Variants in EFR3B observed in about 807,000 individuals in gnomAD.
EFR3B encodes the protein protein EFR3 homolog B.
In EFR3B, 64 loss-of-function variants were observed where a neutral mutation model predicts 104.7. The observed-to-expected ratio is 0.61, with a 90% CI of 0.50 to 0.75. The LOEUF is 0.75. Among genes scored for constraint, EFR3B ranks in the 30% least tolerant of loss-of-function variants. The probability of loss-of-function intolerance (pLI) is 0.00; values close to 1 mark genes in which losing one functional copy is unlikely to be tolerated. For missense variants in EFR3B, 750 were observed against 1,078.5 expected, an observed-to-expected ratio of 0.70 and a Z score of 4.27; for synonymous variants, 385 against 417.9, an observed-to-expected ratio of 0.92 and a Z score of 0.96.
chr2:25,124,329 TGTGA>T (rs1423448910), intron 5 of EFR3B, among the ~76,000 whole-genome samples: 2 of 126,848 alleles, frequency 1.6e-5, no homozygotes, highest in African/African-American at 3.1e-5. Context: ...TGTGTGTGTG[TGTGA>T]TTCCTCAGGG....
intron 1 of EFR3B, among the ~76,000 whole-genome samples, chr2:25,072,861 G>A (rs1866441): frequency 1 from 152,121 of 152,314 alleles, 75,965 homozygotes; most frequent in Middle Eastern, 1. Flanking sequence ...CTGCTCCTGA[G>A]GAGACCATTG....
chr2:25,095,051 A>G (rs1330549018), intron 3 of EFR3B, among the ~76,000 whole-genome samples: 1 of 152,130 alleles, frequency 6.6e-6, no homozygotes, highest in Non-Finnish European at 1.5e-5. Context: ...TCAGCCTGCC[A>G]AAGTGTTGGG....
intron 1 of EFR3B, among the ~76,000 whole-genome samples, chr2:25,053,803 AG>A (rs1667947519): frequency 6.6e-6 from 1 of 152,168 alleles, no homozygotes; most frequent in Non-Finnish European, 1.5e-5. Context: ...GCTACTCAGG[AG>A]GCTGAGGCAG....
chr2:25,080,009 A>G (rs575070583), intron 1 of EFR3B: 1 of 947,566 alleles, frequency 1.1e-6, no homozygotes, highest in South Asian at 1.3e-5. Flanking sequence ...CGTCACAAGC[A>G]AGAATTTTAA....
chr2:25,136,689 A>C lies in EFR3B; in HGVS notation c.1560+91A>C. The C allele has an allele frequency of 8.9e-7, 1 of 1,118,076 alleles. No individual in the cohort carries two copies. Among genetic ancestry groups the C allele is most frequent in the Non-Finnish European group, 1.3e-6 (1 of 764,918 alleles). The allele number at this position is 1,118,076 out of a possible 1,614,324, so 69.3% of individuals were successfully genotyped here. A position where few individuals can be genotyped will look rare whatever the true frequency, so the allele number is the denominator to read the frequency against. On this transcript the variant is annotated intron_variant, in intron 14 of 22. Coordinates refer to ENST00000403714, the MANE Select transcript of EFR3B (RefSeq NM_014971.2). The surrounding 1 kb of genome is among the most constrained non-coding windows in gnomAD (Gnocchi z 4.0). ...CACTTTGGGAGGCTGAGGCGGGCGG[A>C]TAGATCACTTGAGGTGGGGAGCTCG...
intron 16 of EFR3B, 136 bp from the exon 17 acceptor site, chr2:25,141,230 A>T: frequency 1.2e-6 from 1 of 837,428 alleles, no homozygotes; most frequent in Non-Finnish European, 1.8e-6. Context: ...TCCACTGAAA[A>T]GCTCAGCTGA....
In EFR3B at chr2:25,131,252, C is replaced by T. The variant is rs761826374; in HGVS notation, c.850-116C>T. On this transcript the variant is annotated intron_variant, in intron 8 of 22. Coordinates refer to ENST00000403714, the MANE Select transcript of EFR3B (RefSeq NM_014971.2). The surrounding 1 kb of genome is among the most constrained non-coding windows in gnomAD (Gnocchi z 7.6). Reference sequence around the variant, plus strand: ...AGGTGTCAGTGCCAACTGCAGTGCCCGGGGCCTTGGAACGTCCCTTTAGTT... The same window carrying T: ...AGGTGTCAGTGCCAACTGCAGTGCCTGGGGCCTTGGAACGTCCCTTTAGTT... 18 of 1,389,144 alleles carry T rather than the reference C, an allele frequency of 1.3e-5. No individual in the cohort carries two copies. In the Admixed American group the frequency reaches 1.6e-4, roughly 13 times the overall value. The allele number at this position is 1,389,144 out of a possible 1,614,324, so 86.1% of individuals were successfully genotyped here.
intron 4 of EFR3B, among the ~76,000 whole-genome samples, chr2:25,119,177 T>TTTAAAAGA (rs1209494941): frequency 6.6e-6 from 1 of 152,218 alleles, no homozygotes; most frequent in Non-Finnish European, 1.5e-5. Context: ...TTTTTGAAAC[T>TTTAAAAGA]TTAAAAGAAC....
At chr2:25,102,106 A>G (rs914821583) in intron 3 of EFR3B, among the ~76,000 whole-genome samples, 1 of 152,198 alleles carries the variant, frequency 6.6e-6, no homozygotes, top group Non-Finnish European at 1.5e-5. Flanking sequence ...TATGAGAAGC[A>G]TTGAAGAAGA....
At chr2:25,073,797 T>C (rs1041796966) in intron 1 of EFR3B, among the ~76,000 whole-genome samples, 1 of 152,142 alleles carries the variant, frequency 6.6e-6, no homozygotes, top group African/African-American at 2.4e-5. Context: ...ACCCCCTTTT[T>C]CTCCTGTTCT....
chr2:25,153,445 A>G (rs923448814), intron 21 of EFR3B, among the ~76,000 whole-genome samples: 9 of 152,088 alleles, frequency 5.9e-5, no homozygotes, highest in African/African-American at 2.2e-4. Context: ...AAGGAAAAGG[A>G]CCTTCCAGAA....
chr2:25,156,295 T>G lies in EFR3B; in HGVS notation c.*1955T>G, dbSNP rs907570407. On this transcript the variant is annotated 3_prime_UTR_variant, in exon 23 of 23. Transcript: ENST00000403714. ...GCACACAGCTTCTTTTTCTTGTTTT[T>G]TTTTTTTTTTTTTTTTTTTTGAGAC... 7.5e-6 allele frequency: 1 copy of G among 133,284 alleles called. No homozygotes were observed. The highest frequency in any genetic ancestry group is 3.0e-5 in the African/African-American group (1 of 33,288). 8.3% of individuals were successfully genotyped at this position (133,284 alleles called of 1,614,324 possible).
Position 25,131,298 on chromosome 2 carries a change from A to G in EFR3B, c.850-70A>G. 6.6e-7 allele frequency: 1 copy of G among 1,516,678 alleles called. No individual in the cohort carries two copies. Among genetic ancestry groups the G allele is most frequent in the Non-Finnish European group, 8.9e-7 (1 of 1,127,004 alleles). The allele number at this position is 1,516,678 out of a possible 1,614,324, so 94.0% of individuals were successfully genotyped here. On this transcript the variant is annotated intron_variant, in intron 8 of 22. Transcript: ENST00000403714. This position sits in a 1 kb window ranked among gnomAD's most constrained non-coding sequence, Gnocchi z 7.6. ...TAGTTTACCCCCGCCTTTGGGTGCC[A>G]GGAGAGGGCTGCGCAGCCCAGGGAC... is the stretch of plus-strand genomic sequence containing the variant.
chr2:25,108,578 T>C (rs928490906), intron 4 of EFR3B, among the ~76,000 whole-genome samples: 5 of 152,190 alleles, frequency 3.3e-5, no homozygotes, highest in Admixed American at 6.5e-5. Flanking sequence ...GCTAAAACTA[T>C]AAGACTCTTA....
chr2:25,046,924 G>T (rs1667738147), intron 1 of EFR3B, among the ~76,000 whole-genome samples: 3 of 152,108 alleles, frequency 2.0e-5, no homozygotes, highest in Admixed American at 1.3e-4. Flanking sequence ...AGATCCTAAG[G>T]TTTCTGCAGC....
chr2:25,107,880 G>A (rs1573207935), intron 4 of EFR3B, among the ~76,000 whole-genome samples: 1 of 149,734 alleles, frequency 6.7e-6, no homozygotes, highest in African/African-American at 2.5e-5. Flanking sequence ...GTCTCCCTCT[G>A]TTGCCCAGTC....
chr2:25,137,494 G>C lies in EFR3B; in HGVS notation c.1714G>C (p.Ala572Pro), dbSNP rs1446684731. The C allele has an allele frequency of 6.4e-7, 1 of 1,551,744 alleles. No homozygotes were observed. Among genetic ancestry groups the C allele is most frequent in the Non-Finnish European group, 8.7e-7 (1 of 1,146,998 alleles). Reference protein sequence around the residue: ...VVVDLIRLVLAVQDVAQVNEE... With the variant: ...VVVDLIRLVLPVQDVAQVNEE... ...GGTGGACCTCATCCGTCTGGTGCTG[G>C]CTGTTCAGGTGGGGCCTGGTGTGCG... is the stretch of plus-strand genomic sequence containing the variant. The change falls in exon 15 of 23, where the codon GCT (alanine) becomes CCT (proline). Residue 572 changes from alanine (A) to proline (P), a missense_variant. Physicochemically the swap from Ala to Pro is conservative, Grantham distance 27 (BLOSUM62 -1). Coordinates refer to ENST00000403714, the MANE Select transcript of EFR3B (RefSeq NM_014971.2). The surrounding 1 kb of genome is among the most constrained non-coding windows in gnomAD (Gnocchi z 4.7).
intron 15 of EFR3B, among the ~76,000 whole-genome samples, chr2:25,138,022 A>G (rs994584290): frequency 1.3e-5 from 2 of 151,996 alleles, no homozygotes; most frequent in Middle Eastern, 3.2e-3. Context: ...AAATACAAAA[A>G]TTAGCCGGAC....
intron 1 of EFR3B, among the ~76,000 whole-genome samples, chr2:25,071,770 A>T (rs1394675541): frequency 6.6e-6 from 1 of 152,214 alleles, no homozygotes; most frequent in African/African-American, 2.4e-5. Context: ...GTTTGCACTT[A>T]ATCGATACCT....
Sources: allele counts gnomAD v4.1 joint callset (sites outside exome capture counted in the v4.1 genomes callset), GRCh38; gene constraint gnomAD v4.1.1; non-coding constraint Gnocchi (gnomAD v3.1); transcripts MANE v1.5; gene names NCBI Gene and HGNC (gene_info 2026-07-23, HGNC 2026-07-21).